Variants in SLC6A5 observed in about 807,000 individuals in gnomAD.
SLC6A5 encodes solute carrier family 6 member 5, also known as sodium- and chloride-dependent glycine transporter 2.
A neutral mutation model predicts 90.5 loss-of-function variants in SLC6A5; 58 were observed. That is an observed-to-expected ratio of 0.64 (90% CI 0.52 to 0.80). The LOEUF (loss-of-function observed/expected upper bound fraction) is 0.80. Among genes scored for constraint, SLC6A5 ranks in the 30% least tolerant of loss-of-function variants. The pLI is 0.00. For missense variants in SLC6A5, 1,015 were observed against 1,017.6 expected (o/e 1.00, Z 0.03); for synonymous variants, 427 against 401.4 (o/e 1.06, Z -0.76).
chr11:20,608,570 C>A (rs1852626977), intron 5 of SLC6A5, among the ~76,000 whole-genome samples: 1 of 152,190 alleles, frequency 6.6e-6, no homozygotes, highest in African/African-American at 2.4e-5. Context: ...GTTGCAGAAG[C>A]ATATAACTCT....
At chr11:20,652,742 C>G (rs544112078) in intron 15 of SLC6A5, among the ~76,000 whole-genome samples, 1 of 152,158 alleles carries the variant, frequency 6.6e-6, no homozygotes, top group Non-Finnish European at 1.5e-5. Context: ...CCTGGAGTTT[C>G]CTCTTCCTCT....
chr11:20,609,393 T>C (rs371923311), intron 5 of SLC6A5, among the ~76,000 whole-genome samples: 17 of 152,226 alleles, frequency 1.1e-4, no homozygotes, highest in East Asian at 9.7e-4. Context: ...TGTGTTCTGT[T>C]CCTGGCGCCA....
At position 20,657,559 on chromosome 11, in the gene SLC6A5, A is replaced by G. The variant is rs1422838288; in HGVS notation, c.*2691A>G. On this transcript the variant is annotated 3_prime_UTR_variant, in exon 16 of 16. Coordinates refer to ENST00000525748, the MANE Select transcript of SLC6A5 (RefSeq NM_004211.5). ...ATTAAAATGTACAGTCAATTGGAAG[A>G]AAAAAAATGAAAAAAATAAAATGAA... The G allele has an allele frequency of 6.6e-6, 1 of 151,980 alleles. No homozygotes were observed. Among genetic ancestry groups the G allele is most frequent in the Non-Finnish European group, 1.5e-5 (1 of 67,998 alleles). The allele number at this position is 151,980 out of a possible 1,614,324, so 9.4% of individuals were successfully genotyped here.
At chr11:20,646,721 G>A in intron 13 of SLC6A5, 113 bp from the exon 14 acceptor site, 2 of 756,572 alleles carry the variant, frequency 2.6e-6, no homozygotes, top group Admixed American at 1.9e-5. Context: ...ATACAGGGCT[G>A]GGGCCAGCCC....
intron 13 of SLC6A5, among the ~76,000 whole-genome samples, chr11:20,646,394 C>G (rs371019636): frequency 4.2e-4 from 64 of 152,188 alleles, no homozygotes; most frequent in African/African-American, 1.5e-3. Flanking sequence ...GGATAAAAGC[C>G]GGTGTGCAAT....
intron 3 of SLC6A5, among the ~76,000 whole-genome samples, chr11:20,606,302 A>T (rs923051142): frequency 6.6e-6 from 1 of 152,224 alleles, no homozygotes; most frequent in African/African-American, 2.4e-5. Flanking sequence ...TGAATAAGAC[A>T]CTTACATAAA....
In SLC6A5 at chr11:20,655,271, T is replaced by G. The variant is rs944253345; in HGVS notation, c.*403T>G. ...CGAATTACAAGACTTTATTTGGACTTGAACAGAACTGAGCAATGTGGTGAT... is the reference window on the plus strand; with the variant it reads ...CGAATTACAAGACTTTATTTGGACTGGAACAGAACTGAGCAATGTGGTGAT... On this transcript the variant is annotated 3_prime_UTR_variant, in exon 16 of 16. Transcript: ENST00000525748. The G allele has an allele frequency of 2.8e-5, 9 of 319,380 alleles. No homozygotes were observed. The highest frequency in any genetic ancestry group is 1.7e-4 in the African/African-American group (8 of 46,370). The allele number at this position is 319,380 out of a possible 1,614,324, so 19.8% of individuals were successfully genotyped here.
chr11:20,637,034 A>C (rs1853221073), intron 11 of SLC6A5, 138 bp from the exon 12 acceptor site: 4 of 868,082 alleles, frequency 4.6e-6, no homozygotes, highest in Non-Finnish European at 7.7e-6. Flanking sequence ...GGCTTTTTAG[A>C]CCCATTGAGG....
At chr11:20,606,427 T>C (rs1852582456) in intron 3 of SLC6A5, among the ~76,000 whole-genome samples, 2 of 152,158 alleles carry the variant, frequency 1.3e-5, no homozygotes, top group Non-Finnish European at 2.9e-5. Context: ...ACTTCTCATA[T>C]GGGGAAGGGC....
intron 7 of SLC6A5, among the ~76,000 whole-genome samples, chr11:20,623,871 C>T (rs937857769): frequency 2.3e-4 from 35 of 152,068 alleles, no homozygotes; most frequent in Non-Finnish European, 7.4e-5. Context: ...CCCAACCATC[C>T]TCCCCACACC....
At chr11:20,654,154 C>T (rs1030931072) in intron 15 of SLC6A5, among the ~76,000 whole-genome samples, 4 of 152,174 alleles carry the variant, frequency 2.6e-5, no homozygotes, top group African/African-American at 9.7e-5. Flanking sequence ...CAGAAGCGTG[C>T]ATTTTGTCAA....
At chr11:20,634,798 A>G (rs996923060) in intron 10 of SLC6A5, among the ~76,000 whole-genome samples, 5 of 152,212 alleles carry the variant, frequency 3.3e-5, no homozygotes, top group African/African-American at 9.6e-5. Context: ...TCCAGTTTAA[A>G]AAAGTGCTGT....
In SLC6A5 at chr11:20,608,938, C is replaced by G. The variant is rs1275436373; in HGVS notation, c.985+1286C>G. Reference sequence around the variant, plus strand: ...TGTCTGTCTGTCTCTCTCTCTCTCTCTCTCTCTCTCTCTCTCTCTCTGTGT... The same window carrying G: ...TGTCTGTCTGTCTCTCTCTCTCTCTGTCTCTCTCTCTCTCTCTCTCTGTGT... On this transcript the variant is annotated intron_variant, in intron 5 of 15. Coordinates refer to ENST00000525748, the MANE Select transcript of SLC6A5 (RefSeq NM_004211.5). 3.5e-3 allele frequency among the ~76,000 whole-genome samples: 318 copies of G among 91,514 alleles called. 2 individuals carry two copies. The highest frequency in any genetic ancestry group is 0.01 in the African/African-American group (275 of 27,122). The allele number at this position is 91,514 out of a possible 152,430, so 60.0% of individuals were successfully genotyped here.
chr11:20,607,859 G>A (rs1381428975), intron 5 of SLC6A5, among the ~76,000 whole-genome samples: 1 of 152,174 alleles, frequency 6.6e-6, no homozygotes, highest in Non-Finnish European at 1.5e-5. Flanking sequence ...ATTTTTGTTT[G>A]CTTATGAATA....
intron 3 of SLC6A5, among the ~76,000 whole-genome samples, chr11:20,605,043 G>C (rs1159414361): frequency 2.6e-5 from 4 of 152,314 alleles, no homozygotes; most frequent in African/African-American, 9.6e-5. Context: ...AGCCGTTTCA[G>C]AGGTGGGGAG....
intron 3 of SLC6A5, 86 bp from the exon 4 acceptor site, chr11:20,606,921 G>A: frequency 1.1e-5 from 17 of 1,561,314 alleles, no homozygotes; most frequent in Non-Finnish European, 1.4e-5. Flanking sequence ...CTTTGAGAGG[G>A]AGCTCAGCCC....
At chr11:20,624,621 T>C (rs1852956656) in intron 7 of SLC6A5, among the ~76,000 whole-genome samples, 1 of 152,126 alleles carries the variant, frequency 6.6e-6, no homozygotes, top group Non-Finnish European at 1.5e-5. Flanking sequence ...TGTGTCCCTC[T>C]CATGGGGGCA....
intron 7 of SLC6A5, among the ~76,000 whole-genome samples, chr11:20,619,965 G>T (rs903994856): frequency 3.3e-5 from 5 of 152,190 alleles, no homozygotes; most frequent in African/African-American, 1.2e-4. Flanking sequence ...ACAATACCGA[G>T]CATGGCCTGA....
At chr11:20,604,477 G>A in intron 3 of SLC6A5, 53 bp downstream of exon 3, 1 of 1,600,512 alleles carries the variant, frequency 6.2e-7, no homozygotes, top group Non-Finnish European at 8.5e-7. Context: ...GGCACCTGAG[G>A]GTTGGGTGGG....
Sources: gnomAD v4.1 joint callset for allele counts (sites outside exome capture counted in the v4.1 genomes callset) on GRCh38, gnomAD v4.1.1 for gene constraint, MANE v1.5 for transcripts, NCBI Gene and HGNC (gene_info 2026-07-23, HGNC 2026-07-21) for gene names.